CMYA5: variants seen among roughly 807,000 people sequenced by gnomAD.
CMYA5 encodes cardiomyopathy associated 5.
A neutral mutation model predicts 318.9 loss-of-function variants in CMYA5; 246 were observed. The ratio of observed to expected loss-of-function variants is 0.77; its 90% CI spans 0.70 to 0.86. CMYA5 has a LOEUF of 0.86. Ranked by LOEUF, CMYA5 falls within the 40% of genes least tolerant of loss-of-function variation. CMYA5 has a pLI of 0.00. For synonymous variants in CMYA5, 1,641 were observed against 1,729.5 expected (o/e 0.95, Z 1.27); for missense variants, 4,589 against 4,678.2 (o/e 0.98, Z 0.56).
chr5:79,740,459 A>G (rs1296218867), intron 2 of CMYA5, among the ~76,000 whole-genome samples: 1 of 152,262 alleles, frequency 6.6e-6, no homozygotes, highest in Non-Finnish European at 1.5e-5. Flanking sequence ...TCCTTTAAAG[A>G]GACACATTTA....
intron 9 of CMYA5, among the ~76,000 whole-genome samples, chr5:79,786,200 A>G (rs1011082755): frequency 4.6e-5 from 7 of 152,216 alleles, no homozygotes; most frequent in African/African-American, 1.2e-4. Context: ...GGAGCTTATC[A>G]TCCACCAGCA....
At position 79,736,326 on chromosome 5, in the gene CMYA5, G is replaced by A. The variant is rs868407418; in HGVS notation, c.7561G>A (p.Glu2521Lys). 3 of 1,613,562 alleles carry A rather than the reference G, an allele frequency of 1.9e-6. No individual in the cohort carries two copies. The highest frequency in any genetic ancestry group is 2.5e-6 in the Non-Finnish European group (3 of 1,179,752). ...DAMPQHFYQNEDYNERPKIIV... is the reference protein window; with the variant it reads ...DAMPQHFYQNKDYNERPKIIV... ...TATGCCACAGCACTTCTATCAAAAT[G>A]AAGACTACAATGAAAGACCCAAAAT... Residue 2521 changes from glutamate to lysine, a missense_variant, in exon 2 of 13, where the codon GAA becomes AAA. By Grantham distance (56) the Glu-to-Lys change is moderately conservative. Coordinates refer to ENST00000446378, the MANE Select transcript of CMYA5 (RefSeq NM_153610.5).
Position 79,765,104 on chromosome 5 carries a change from GC to G in CMYA5, c.11555+1896del, listed in dbSNP as rs1315978998. The stretch of plus-strand genomic sequence containing the variant: ...ATGGTATTGCCTAGGTTTTCTTCTA[GC>G]GTTTTTATGGTTTTAGGTCTTACGT... On this transcript the variant is annotated intron_variant, in intron 9 of 12. Coordinates refer to ENST00000446378, the MANE Select transcript of CMYA5 (RefSeq NM_153610.5). Among the ~76,000 whole-genome samples, 902 of 152,240 alleles carry G rather than the reference GC, an allele frequency of 5.9e-3. 10 individuals carry two copies. The highest frequency in any genetic ancestry group is 0.021 in the African/African-American group (857 of 41,524).
At chr5:79,728,695 A>C (rs994057697) in intron 1 of CMYA5, among the ~76,000 whole-genome samples, 10 of 152,000 alleles carry the variant, frequency 6.6e-5, no homozygotes, top group African/African-American at 2.4e-4. Flanking sequence ...TGGAATAGTG[A>C]GTCATTCCAG....
chr5:79,797,705 A>G (rs771099478), intron 12 of CMYA5, among the ~76,000 whole-genome samples: 61 of 152,156 alleles, frequency 4.0e-4, no homozygotes, highest in Non-Finnish European at 7.2e-4. Flanking sequence ...AGTGGCTACT[A>G]TATTAGACAG....
rs750778165 is a variant in CMYA5, at chr5:79,730,159, G to C, written c.1394G>C (p.Arg465Thr). Residue 465 changes from arginine to threonine, a missense_variant, in exon 2 of 13, where the codon AGG becomes ACG. Physicochemically the swap from Arg to Thr is moderately conservative, Grantham distance 71 (BLOSUM62 -1). Coordinates refer to ENST00000446378, the MANE Select transcript of CMYA5 (RefSeq NM_153610.5). ...CAGCCGGACCTGACTTCAATAGAAA[G>C]GGCAGAACCAGTCTCCGCAAAACTG... ...QEQPDLTSIE[R>T]AEPVSAKLTP... is the part of the protein sequence containing the mutation. 12 of 1,613,886 alleles carry C rather than the reference G, an allele frequency of 7.4e-6. No homozygotes were observed. In the South Asian group the frequency reaches 1.2e-4, roughly 16 times the overall value.
chr5:79,736,206 G>A lies in CMYA5; in HGVS notation c.7441G>A (p.Ala2481Thr). 1 of 1,613,588 alleles carries A rather than the reference G, an allele frequency of 6.2e-7. No individual in the cohort carries two copies. Among genetic ancestry groups the A allele is most frequent in the Non-Finnish European group, 8.5e-7 (1 of 1,179,662 alleles). The change falls in exon 2 of 13, where the codon GCC (alanine) becomes ACC (threonine). Residue 2481 changes from alanine (A) to threonine (T), a missense_variant. Physicochemically the swap from Ala to Thr is moderately conservative, Grantham distance 58 (BLOSUM62 0). Transcript: ENST00000446378. ...KVLAEKQNSV[A>T]PLELRDSNEI... ...GCTGGCAGAAAAACAAAACTCTGTG[G>A]CCCCATTAGAGCTTAGAGATAGTAA...
At chr5:79,728,014 G>T (rs1270674468) in intron 1 of CMYA5, among the ~76,000 whole-genome samples, 4 of 152,138 alleles carry the variant, frequency 2.6e-5, no homozygotes, top group African/African-American at 9.7e-5. Flanking sequence ...TACATGCCAG[G>T]AATATTCCCT....
intron 12 of CMYA5, 129 bp from the exon 13 acceptor site, chr5:79,799,241 A>G: frequency 1.1e-6 from 1 of 877,022 alleles, no homozygotes; most frequent in South Asian, 1.9e-5. Context: ...TATTTGGGAC[A>G]GCATTATTGC....
rs1828135295 is a variant in CMYA5, at chr5:79,738,445, A to G, written c.9680A>G (p.Asn3227Ser). Residue 3227 changes from asparagine (N) to serine (S), a missense_variant, in exon 2 of 13, where the codon AAT becomes AGT. Around this residue, in one of 3 missense-constraint regions of CMYA5, gnomAD observed 2,431 missense variants for 2,495.1 expected, o/e 0.97. Coordinates refer to ENST00000446378, the MANE Select transcript of CMYA5 (RefSeq NM_153610.5). ...TCTGAGGCATCATTTCCCAGCAGAA[A>G]TTCTGACACTGATGATGGAACAGGA... ...VNSEASFPSR[N>S]SDTDDGTGIY... 1 of 1,613,750 alleles carries G rather than the reference A, an allele frequency of 6.2e-7. No homozygotes were observed. Among genetic ancestry groups the G allele is most frequent in the East Asian group, 2.2e-5 (1 of 44,872 alleles).
At chr5:79,706,554 G>A (rs563659975) in intron 1 of CMYA5, among the ~76,000 whole-genome samples, 14 of 152,288 alleles carry the variant, frequency 9.2e-5, no homozygotes, top group Middle Eastern at 6.8e-3. Context: ...AGATCAGGGC[G>A]TTTATAGCCC....
intron 5 of CMYA5, among the ~76,000 whole-genome samples, chr5:79,750,195 C>T (rs1363594852): frequency 6.6e-6 from 1 of 151,912 alleles, no homozygotes; most frequent in Non-Finnish European, 1.5e-5. Flanking sequence ...CCACCGTTGC[C>T]TTCCATTTCA....
chr5:79,738,174 G>C lies in CMYA5; in HGVS notation c.9409G>C (p.Asp3137His). 6.2e-7 allele frequency: 1 copy of C among 1,613,858 alleles called. No individual in the cohort carries two copies. Among genetic ancestry groups the C allele is most frequent in the Non-Finnish European group, 8.5e-7 (1 of 1,179,872 alleles). Residue 3137 changes from aspartate (D) to histidine (H), a missense_variant, in exon 2 of 13, where the codon GAC becomes CAC. Asp to His is a moderately conservative substitution (Grantham distance 81). Coordinates refer to ENST00000446378, the MANE Select transcript of CMYA5 (RefSeq NM_153610.5). ...AGAGACCCAAAGCCAAAACTCAGCT[G>C]ACAGGAATGTTTCAAAGGACACAAA... The part of the protein sequence containing the change: ...HPETQSQNSA[D>H]RNVSKDTKRD...
At chr5:79,747,234 AT>A in intron 5 of CMYA5, 121 bp downstream of exon 5, 2 of 889,028 alleles carry the variant, frequency 2.2e-6, no homozygotes, top group Middle Eastern at 2.2e-4. Flanking sequence ...GGGCTACAGT[AT>A]TTTCACTTTT....
chr5:79,757,859 T>C (rs1828560628), intron 6 of CMYA5, among the ~76,000 whole-genome samples: 1 of 152,248 alleles, frequency 6.6e-6, no homozygotes, highest in Non-Finnish European at 1.5e-5. Context: ...TGTTTATTTC[T>C]GTGTGTATTA....
Position 79,799,871 on chromosome 5 carries a change from A to ACGGTG in CMYA5, c.*255_*256insCGGTG. 1 of 186,858 alleles carries ACGGTG rather than the reference A, an allele frequency of 5.4e-6. No individual in the cohort carries two copies. The allele number at this position is 186,858 out of a possible 1,614,324, so 11.6% of individuals were successfully genotyped here. ...ATAAGTTTGAGTTCTTTCCTAAATT[A>ACGGTG]AAAGATCTACACTTGAGTTGGGAAC... On this transcript the variant is annotated 3_prime_UTR_variant, in exon 13 of 13. Transcript: ENST00000446378.
intron 1 of CMYA5, among the ~76,000 whole-genome samples, chr5:79,698,711 C>T (rs891639106): frequency 6.6e-6 from 1 of 152,244 alleles, no homozygotes; most frequent in African/African-American, 2.4e-5. Context: ...TTCATTATTT[C>T]ACATTGCGCT....
At chr5:79,776,040 GC>G (rs1382771602) in intron 9 of CMYA5, among the ~76,000 whole-genome samples, 6 of 152,184 alleles carry the variant, frequency 3.9e-5, no homozygotes, top group Non-Finnish European at 5.9e-5. Context: ...TTATAGGAAA[GC>G]CTAAGCCCCA....
At chr5:79,794,470 A>G (rs1829240121) in intron 12 of CMYA5, among the ~76,000 whole-genome samples, 1 of 152,236 alleles carries the variant, frequency 6.6e-6, no homozygotes, top group Non-Finnish European at 1.5e-5. Flanking sequence ...ACACTGGACT[A>G]GGAGCCAGGA....
Sources: allele counts gnomAD v4.1 joint callset (sites outside exome capture counted in the v4.1 genomes callset), GRCh38; gene constraint gnomAD v4.1.1; regional missense constraint gnomAD v4.1.1; transcripts MANE v1.5; gene names NCBI Gene and HGNC (gene_info 2026-07-23, HGNC 2026-07-21).